The following ANTXR2 variants were observed in gnomAD, a reference collection of about 807,000 sequenced individuals.
ANTXR2 encodes the protein ANTXR cell adhesion molecule 2, also known as anthrax toxin receptor 2.
A neutral mutation model predicts 73.7 loss-of-function variants in ANTXR2; 44 were observed. The observed-to-expected ratio is 0.60, with a 90% CI of 0.47 to 0.77. ANTXR2 has a LOEUF of 0.77. ANTXR2 is among the 30% of genes least tolerant of loss of function. The pLI is 0.00. For missense variants in ANTXR2, 604 were observed against 592.5 expected (o/e 1.02, Z -0.20); for synonymous variants, 217 against 205.9 (o/e 1.05, Z -0.46).
At chr4:79,977,115 C>A (rs1451149107) in intron 16 of ANTXR2, among the ~76,000 whole-genome samples, 3 of 152,154 alleles carry the variant, frequency 2.0e-5, no homozygotes, top group Non-Finnish European at 4.4e-5. Context: ...GTGTGTTTAT[C>A]ACTATCACAG....
At chr4:80,052,479 C>A (rs1733814901) in intron 7 of ANTXR2, among the ~76,000 whole-genome samples, 1 of 151,594 alleles carries the variant, frequency 6.6e-6, no homozygotes, top group Non-Finnish European at 1.5e-5. Flanking sequence ...ATTAATCAAA[C>A]CAGGTTTGGT....
At chr4:79,952,157 T>A (rs1728731226) in intron 16 of ANTXR2, among the ~76,000 whole-genome samples, 2 of 150,790 alleles carry the variant, frequency 1.3e-5, no homozygotes, top group African/African-American at 4.9e-5. Context: ...CAAATATATA[T>A]AATAGGTATA....
rs1266629399 is a variant in ANTXR2 at position 79,984,825 on chromosome 4, T to C, written c.1080A>G (p.Pro360=). ...KDPPPPPAPA[P]KEEEEEPLPT... ...TTTTTAGGCACTCACTTACCTCTTT[T>C]GGTGCAGGGGCGGGTGGTGGTGGAG... Residue 360 remains proline (P), a synonymous_variant, in exon 13 of 17, where the codon CCA becomes CCG. Transcript: ENST00000403729. 2 of 1,608,868 alleles carry C rather than the reference T, an allele frequency of 1.2e-6. No homozygotes were observed. Among genetic ancestry groups the C allele is most frequent in the South Asian group, 1.1e-5 (1 of 90,024 alleles).
chr4:80,024,263 GA>G (rs1732312286), intron 10 of ANTXR2, among the ~76,000 whole-genome samples: 2 of 152,212 alleles, frequency 1.3e-5, no homozygotes, highest in African/African-American at 4.8e-5. Context: ...TGAACAGAAG[GA>G]TGTGAGTTTA....
At chr4:80,073,347 GGAA>G (rs1158830364), upstream of ANTXR2, 4 of 152,306 alleles carry the variant, frequency 2.6e-5, no homozygotes, top group Non-Finnish European at 5.9e-5. Context: ...TTTGGGAAAG[GGAA>G]GAAGGAGTTT....
intron 12 of ANTXR2, among the ~76,000 whole-genome samples, chr4:79,990,395 A>AAAAC (rs1248534155): frequency 6.6e-6 from 1 of 150,648 alleles, no homozygotes; most frequent in Non-Finnish European, 1.5e-5. Flanking sequence ...AAAAAAAAAA[A>AAAAC]AAAAAAACAC....
chr4:79,988,242 T>C (rs1730285482), intron 12 of ANTXR2, among the ~76,000 whole-genome samples: 1 of 30,392 alleles, frequency 3.3e-5, no homozygotes, highest in Non-Finnish European at 8.8e-5. Flanking sequence ...TATATATATA[T>C]ATATATATAT....
intron 16 of ANTXR2, among the ~76,000 whole-genome samples, chr4:79,919,371 C>T (rs562690480): frequency 2.3e-4 from 35 of 152,210 alleles, no homozygotes; most frequent in South Asian, 1.0e-3. Flanking sequence ...ATGGTTAATA[C>T]TGAATGTCAA....
chr4:80,052,342 T>G (rs1733809260), intron 7 of ANTXR2, among the ~76,000 whole-genome samples: 1 of 151,640 alleles, frequency 6.6e-6, no homozygotes, highest in Non-Finnish European at 1.5e-5. Flanking sequence ...AAATTATAGG[T>G]TTTGTATACT....
At chr4:80,036,762 TG>T (rs1560415969) in intron 7 of ANTXR2, among the ~76,000 whole-genome samples, 1 of 152,124 alleles carries the variant, frequency 6.6e-6, no homozygotes, top group South Asian at 2.1e-4. Context: ...CACTCCAGCC[TG>T]GACGACAGAG....
intron 16 of ANTXR2, among the ~76,000 whole-genome samples, chr4:79,929,240 C>A (rs750520784): frequency 6.6e-6 from 1 of 152,098 alleles, no homozygotes; most frequent in Non-Finnish European, 1.5e-5. Context: ...GGAGGGCAGG[C>A]GCAGTGGCTC....
intron 11 of ANTXR2, among the ~76,000 whole-genome samples, chr4:80,016,839 C>T (rs1731895163): frequency 6.6e-6 from 1 of 152,250 alleles, no homozygotes; most frequent in African/African-American, 2.4e-5. Flanking sequence ...CCTAATCTGT[C>T]TAGGCATCCC....
intron 7 of ANTXR2, among the ~76,000 whole-genome samples, chr4:80,044,358 T>C (rs941015939): frequency 7.9e-5 from 12 of 151,974 alleles, no homozygotes; most frequent in Admixed American, 2.0e-4. Flanking sequence ...ATAACAAACG[T>C]AGGACACATA....
At chr4:80,061,563 T>C (rs1734259623) in intron 3 of ANTXR2, among the ~76,000 whole-genome samples, 1 of 152,098 alleles carries the variant, frequency 6.6e-6, no homozygotes, top group Non-Finnish European at 1.5e-5. Context: ...TTACACAGCA[T>C]CCTGAAATGT....
At chr4:80,007,446 G>A (rs1017481530) in intron 12 of ANTXR2, among the ~76,000 whole-genome samples, 1 of 152,122 alleles carries the variant, frequency 6.6e-6, no homozygotes, top group Non-Finnish European at 1.5e-5. Flanking sequence ...CTTGAAATGT[G>A]TAGAATGATA....
intron 11 of ANTXR2, among the ~76,000 whole-genome samples, chr4:80,016,086 TTAAAA>T (rs1290928442): frequency 2.6e-5 from 4 of 152,066 alleles, no homozygotes; most frequent in Non-Finnish European, 5.9e-5. Context: ...AAGAACAATT[TTAAAA>T]TAAAAGAATT....
chr4:80,071,672 A>AC lies in ANTXR2; in HGVS notation c.153-19dup. The AC allele has an allele frequency of 6.3e-7, 1 of 1,591,412 alleles. No homozygotes were observed. Among genetic ancestry groups the AC allele is most frequent in the East Asian group, 2.2e-5 (1 of 44,720 alleles). ...TCCCAGACCTGAAAGATGAAATTGA[A>AC]CTGATCAGAGAAACAAAACACGGAA... On this transcript the variant is annotated intron_variant, in intron 1 of 16. Transcript: ENST00000403729.
At chr4:79,976,873 C>T (rs10027415) in intron 16 of ANTXR2, among the ~76,000 whole-genome samples, 73,944 of 152,118 alleles carry the variant, frequency 0.49, 20,392 homozygotes, top group East Asian at 0.94. Flanking sequence ...ACCTGCCCTG[C>T]ATCACTACTA....
At chr4:79,954,989 G>T (rs1728837366) in intron 16 of ANTXR2, among the ~76,000 whole-genome samples, 1 of 152,194 alleles carries the variant, frequency 6.6e-6, no homozygotes, top group South Asian at 2.1e-4. Flanking sequence ...GTATCTATAT[G>T]TGTTTAATGA....
Sources: allele counts gnomAD v4.1 joint callset (sites outside exome capture counted in the v4.1 genomes callset), GRCh38; gene constraint gnomAD v4.1.1; transcripts MANE v1.5; gene names NCBI Gene and HGNC (gene_info 2026-07-23, HGNC 2026-07-21).